Variants in FNBP1L observed in about 807,000 individuals in gnomAD.
FNBP1L encodes the protein formin-binding protein 1-like.
A neutral mutation model predicts 91.2 loss-of-function variants in FNBP1L; 36 were observed. The ratio of observed to expected loss-of-function variants is 0.39; its 90% CI spans 0.30 to 0.52. The LOEUF (loss-of-function observed/expected upper bound fraction) is 0.52, where lower values mean the gene tolerates loss of function less well. Among genes scored for constraint, FNBP1L ranks in the 20% least tolerant of loss-of-function variants. FNBP1L has a pLI of 0.66. For synonymous variants in FNBP1L, 242 were observed against 237.0 expected, an observed-to-expected ratio of 1.02 and a Z score of -0.19; for missense variants, 571 against 732.1, an observed-to-expected ratio of 0.78 and a Z score of 2.54.
intron 2 of FNBP1L, among the ~76,000 whole-genome samples, chr1:93,520,638 C>G (rs528977778): frequency 4.6e-5 from 7 of 152,226 alleles, no homozygotes; most frequent in African/African-American, 1.7e-4. Flanking sequence ...GGGTATAAAG[C>G]ACTTTATATC....
At chr1:93,541,470 A>G (rs568152144) in intron 11 of FNBP1L, among the ~76,000 whole-genome samples, 4 of 152,116 alleles carry the variant, frequency 2.6e-5, no homozygotes, top group Non-Finnish European at 4.4e-5. Flanking sequence ...TTTTTCCAAA[A>G]AAAGAAAGAA....
chr1:93,449,838 A>G (rs760385415), intron 1 of FNBP1L, among the ~76,000 whole-genome samples: 14 of 152,162 alleles, frequency 9.2e-5, no homozygotes, highest in South Asian at 4.1e-4. Flanking sequence ...TGCATTCTAT[A>G]ATTGATTATA....
rs781569787 is a variant in FNBP1L, at chr1:93,546,843, G to GAA, written c.1277_1278insAA (p.Asp426GlufsTer7). ...TCTGGGGTTCCTTCTCTTTTTTAGA[G>GAA]ATGCACTCAACAAAATGAAAGATGT... On this transcript the variant is annotated frameshift_variant and splice_region_variant, in exon 13 of 17. Coordinates refer to ENST00000271234, the MANE Select transcript of FNBP1L (RefSeq NM_001164473.3). LOFTEE classifies it high-confidence loss of function. The GAA allele has an allele frequency of 6.2e-7, 1 of 1,611,316 alleles. No individual in the cohort carries two copies. The highest frequency in any genetic ancestry group is 1.1e-5 in the South Asian group (1 of 90,458).
At chr1:93,475,532 C>T (rs1669463044) in intron 1 of FNBP1L, among the ~76,000 whole-genome samples, 1 of 152,064 alleles carries the variant, frequency 6.6e-6, no homozygotes, top group South Asian at 2.1e-4. Context: ...GAGTGAGACC[C>T]TGTCTCAAAA....
At chr1:93,509,759 G>A (rs1351892474) in intron 2 of FNBP1L, among the ~76,000 whole-genome samples, 5 of 152,220 alleles carry the variant, frequency 3.3e-5, no homozygotes, top group African/African-American at 4.8e-5. Flanking sequence ...TGCACGCACC[G>A]TGCACGAGCC....
At chr1:93,507,984 A>G (rs1670694551) in intron 2 of FNBP1L, among the ~76,000 whole-genome samples, 1 of 150,688 alleles carries the variant, frequency 6.6e-6, no homozygotes, top group South Asian at 2.1e-4. Context: ...TGAAAGCATT[A>G]TATGATCATT....
rs1336192043 is a variant in FNBP1L, at chr1:93,511,823, G to T, written c.141-10259G>T. Among the ~76,000 whole-genome samples, 28 of 151,608 alleles carry T rather than the reference G, an allele frequency of 1.8e-4. No homozygotes were observed. The East Asian group carries it at 5.4e-3, about 29-fold the overall frequency. ...CTACTGAAAATACAAAAAATTAGCC[G>T]GGCGTAGTGGCGGGCGCCTGTAGTC... is the stretch of plus-strand genomic sequence containing the variant. On this transcript the variant is annotated intron_variant, in intron 2 of 16. Coordinates refer to ENST00000271234, the MANE Select transcript of FNBP1L (RefSeq NM_001164473.3).
intron 1 of FNBP1L, among the ~76,000 whole-genome samples, chr1:93,483,921 C>CT (rs1012573327): frequency 8.5e-5 from 13 of 152,120 alleles, no homozygotes; most frequent in Non-Finnish European, 1.9e-4. Flanking sequence ...TTTCTTAACT[C>CT]TGTTACTTTG....
At chr1:93,483,810 T>TTAGAGC (rs1302552764) in intron 1 of FNBP1L, among the ~76,000 whole-genome samples, 2 of 152,212 alleles carry the variant, frequency 1.3e-5, no homozygotes, top group Admixed American at 6.5e-5. Context: ...TTCCAAATAA[T>TTAGAGC]AAATAGTCTT....
intron 10 of FNBP1L, among the ~76,000 whole-genome samples, chr1:93,540,201 T>C (rs1671989720): frequency 6.6e-6 from 1 of 151,970 alleles, no homozygotes; most frequent in South Asian, 2.1e-4. Flanking sequence ...CACACACACA[T>C]ATATATACAT....
At chr1:93,541,583 TG>T (rs1244502743) in intron 11 of FNBP1L, among the ~76,000 whole-genome samples, 5 of 41,666 alleles carry the variant, frequency 1.2e-4, no homozygotes, top group Admixed American at 3.9e-4. Flanking sequence ...TGTGTTTGTG[TG>T]GGGGGTGGGG....
intron 2 of FNBP1L, among the ~76,000 whole-genome samples, chr1:93,500,149 G>A (rs533909194): frequency 3.9e-5 from 6 of 152,268 alleles, no homozygotes; most frequent in African/African-American, 1.2e-4. Flanking sequence ...TAAAAATGGT[G>A]CTTGAAGTCT....
chr1:93,536,813 G>A (rs1314013189), intron 10 of FNBP1L, among the ~76,000 whole-genome samples: 1 of 151,938 alleles, frequency 6.6e-6, no homozygotes, highest in Admixed American at 6.6e-5. Context: ...TGTCACTGGA[G>A]TTACTCTTGT....
chr1:93,530,910 AGTTT>A, intron 7 of FNBP1L, 27 bp downstream of exon 7: 1 of 1,495,140 alleles, frequency 6.7e-7, no homozygotes, highest in Non-Finnish European at 9.0e-7. Context: ...AAGTTAATCT[AGTTT>A]TAGATTAACT....
At chr1:93,482,734 A>G (rs541719795) in intron 1 of FNBP1L, among the ~76,000 whole-genome samples, 83 of 152,140 alleles carry the variant, frequency 5.5e-4, no homozygotes, top group Admixed American at 4.1e-3. Context: ...TCTCTACAAA[A>G]AATACAAAAA....
chr1:93,510,310 A>G (rs1195608594), intron 2 of FNBP1L, among the ~76,000 whole-genome samples: 9 of 151,720 alleles, frequency 5.9e-5, no homozygotes, highest in East Asian at 1.9e-4. Context: ...CCTGACCCCC[A>G]AGCAGCCTAA....
At chr1:93,488,099 C>T (rs972454309) in intron 1 of FNBP1L, among the ~76,000 whole-genome samples, 2 of 152,106 alleles carry the variant, frequency 1.3e-5, no homozygotes, top group Non-Finnish European at 2.9e-5. Context: ...ACAACCCATG[C>T]TCAAAATATT....
At chr1:93,452,658 C>T (rs1020578437) in intron 1 of FNBP1L, among the ~76,000 whole-genome samples, 1 of 152,174 alleles carries the variant, frequency 6.6e-6, no homozygotes, top group Admixed American at 6.5e-5. Context: ...GAACTCTGTG[C>T]TCCACAATCG....
chr1:93,521,910 A>T (rs1671339869), intron 2 of FNBP1L, among the ~76,000 whole-genome samples, 172 bp from the exon 3 acceptor site: 1 of 152,198 alleles, frequency 6.6e-6, no homozygotes, highest in African/African-American at 2.4e-5. Context: ...TTTAAGAACA[A>T]ATTGTAAGTA....
Sources: allele counts gnomAD v4.1 joint callset (sites outside exome capture counted in the v4.1 genomes callset), GRCh38; gene constraint gnomAD v4.1.1; transcripts MANE v1.5; gene names NCBI Gene and HGNC (gene_info 2026-07-23, HGNC 2026-07-21).